COL4A6: variants seen among roughly 807,000 people sequenced by gnomAD.
COL4A6 encodes the protein collagen type IV alpha 6 chain, also known as collagen alpha-6(IV) chain.
COL4A6 carries 59 observed loss-of-function variants against 126.7 expected under a neutral mutation model. That is an observed-to-expected ratio of 0.47 (90% CI 0.38 to 0.58). The LOEUF (loss-of-function observed/expected upper bound fraction) is 0.58. COL4A6 is among the 20% of genes least tolerant of loss of function. COL4A6 has a pLI of 0.00. For synonymous variants in COL4A6, 547 were observed against 496.6 expected, an observed-to-expected ratio of 1.10 and a Z score of -1.35; for missense variants, 1,285 against 1,337.3, an observed-to-expected ratio of 0.96 and a Z score of 0.61.
At chrX:108,435,291 C>G (rs892486348) in intron 2 of COL4A6, among the ~76,000 whole-genome samples, 2 of 111,744 alleles carry the variant, frequency 1.8e-5, no homozygotes, top group African/African-American at 3.3e-5. Flanking sequence ...AAGGATCTGA[C>G]TACTTCGGGA....
intron 13 of COL4A6, among the ~76,000 whole-genome samples, chrX:108,199,475 T>C (rs2035323091): frequency 8.9e-6 from 1 of 111,790 alleles, no homozygotes; most frequent in Admixed American, 9.5e-5. Context: ...TGTGCCAAAG[T>C]GGGCTGAGAA....
chrX:108,288,487 G>A (rs1394582017), intron 3 of COL4A6, among the ~76,000 whole-genome samples: 1 of 111,236 alleles, frequency 9.0e-6, no homozygotes, highest in Non-Finnish European at 1.9e-5. Flanking sequence ...TAGGCACTAG[G>A]CTAAGTTCTA....
intron 2 of COL4A6, among the ~76,000 whole-genome samples, chrX:108,374,331 GTAT>G (rs1447099487): frequency 1.8e-5 from 2 of 111,890 alleles, no homozygotes; most frequent in Non-Finnish European, 3.8e-5. Context: ...GGTAAAAAAA[GTAT>G]TATTATCCCA....
At chrX:108,375,824 C>A (rs2040423131) in intron 2 of COL4A6, among the ~76,000 whole-genome samples, 1 of 110,841 alleles carries the variant, frequency 9.0e-6, no homozygotes, top group African/African-American at 3.3e-5. Context: ...AACACAGTCA[C>A]ACATTTTTTT....
In COL4A6 at chrX:108,273,672, T is replaced by A. The variant is rs111606263; in HGVS notation, c.144+37076A>T. ...AGCCATAAAAAGGGATGAGTTCATG[T>A]CCTTTGTAGGGACATGGATGAAGCT... On this transcript the variant is annotated intron_variant, in intron 3 of 44. Coordinates refer to ENST00000334504, the MANE Select transcript of COL4A6 (RefSeq NM_033641.4). Among the ~76,000 whole-genome samples, 653 of 112,157 alleles carry A rather than the reference T, an allele frequency of 5.8e-3. 4 individuals are homozygous for A. The highest frequency in any genetic ancestry group is 0.02 in the African/African-American group (605 of 30,877).
intron 28 of COL4A6, among the ~76,000 whole-genome samples, chrX:108,176,115 A>G (rs922524758): frequency 9.1e-6 from 1 of 110,202 alleles, no homozygotes; most frequent in African/African-American, 3.3e-5. Context: ...ACCTGTGGTC[A>G]GGAGTTCGAG....
chrX:108,300,724 CGTGTGTGT>C (rs58203884), intron 3 of COL4A6, among the ~76,000 whole-genome samples: 4 of 92,381 alleles, frequency 4.3e-5, no homozygotes, highest in Non-Finnish European at 4.3e-5. Context: ...CAAACATTGG[CGTGTGTGT>C]GTGTGTGTGT....
intron 2 of COL4A6, among the ~76,000 whole-genome samples, chrX:108,362,394 C>G (rs2040107735): frequency 9.0e-6 from 1 of 111,697 alleles, no homozygotes; most frequent in Non-Finnish European, 1.9e-5. Context: ...GATATATAAA[C>G]TGGATCACAG....
chrX:108,310,052 A>G (rs1324125933), intron 3 of COL4A6, among the ~76,000 whole-genome samples: 1 of 111,118 alleles, frequency 9.0e-6, no homozygotes, highest in African/African-American at 3.3e-5. Context: ...CTGGGTTATA[A>G]TAAAAATGCA....
At chrX:108,348,720 T>C (rs2039771875) in intron 2 of COL4A6, among the ~76,000 whole-genome samples, 1 of 111,936 alleles carries the variant, frequency 8.9e-6, no homozygotes, top group Admixed American at 9.5e-5. Flanking sequence ...GGAAAAGTTC[T>C]ATAAATAAGT....
chrX:108,426,047 T>C (rs1452216595), intron 2 of COL4A6, among the ~76,000 whole-genome samples: 1 of 111,347 alleles, frequency 9.0e-6, no homozygotes, highest in Non-Finnish European at 1.9e-5. Context: ...CTAGACGGTA[T>C]TTATGCAACT....
intron 3 of COL4A6, among the ~76,000 whole-genome samples, chrX:108,275,501 G>C (rs2037577713): frequency 8.9e-6 from 1 of 112,320 alleles, no homozygotes; most frequent in African/African-American, 3.2e-5. Context: ...GTTAATTCTT[G>C]ATTCCACCAG....
At chrX:108,345,572 T>TA (rs2039687442) in intron 2 of COL4A6, among the ~76,000 whole-genome samples, 1 of 111,804 alleles carries the variant, frequency 8.9e-6, no homozygotes, top group Non-Finnish European at 1.9e-5. Flanking sequence ...GTGAGCTTTT[T>TA]ATCCCTGCCC....
At chrX:108,282,148 G>C in intron 3 of COL4A6, among the ~76,000 whole-genome samples, 2 of 106,995 alleles carry the variant, frequency 1.9e-5, no homozygotes, top group Middle Eastern at 9.4e-3. Context: ...TGACAAATGG[G>C]ATCTAATTAA....
At chrX:108,318,157 T>A (rs1221073142) in intron 2 of COL4A6, among the ~76,000 whole-genome samples, 1 of 111,586 alleles carries the variant, frequency 9.0e-6, no homozygotes, top group Non-Finnish European at 1.9e-5. Flanking sequence ...GAAAAGGCCT[T>A]TGACAAAATT....
At chrX:108,217,750 A>G (rs1203424631) in intron 5 of COL4A6, among the ~76,000 whole-genome samples, 1 of 111,912 alleles carries the variant, frequency 8.9e-6, no homozygotes, top group East Asian at 2.8e-4. Context: ...GAGAGAAACA[A>G]CAAGAAAGTG....
chrX:108,277,194 C>T (rs2037632491), intron 3 of COL4A6, among the ~76,000 whole-genome samples: 1 of 111,816 alleles, frequency 8.9e-6, no homozygotes, highest in Admixed American at 9.5e-5. Context: ...GGCATTGCCT[C>T]ACTCGGGAAG....
At chrX:108,393,570 A>G (rs181638611) in intron 2 of COL4A6, among the ~76,000 whole-genome samples, 14 of 112,051 alleles carry the variant, frequency 1.2e-4, no homozygotes, top group Admixed American at 1.0e-3. Context: ...GGTGATAGTT[A>G]TAAACACCAA....
At chrX:108,258,482 T>A (rs140018501) in intron 3 of COL4A6, among the ~76,000 whole-genome samples, 2 of 111,782 alleles carry the variant, frequency 1.8e-5, no homozygotes, top group African/African-American at 3.3e-5. Context: ...TTCAAGCACA[T>A]TGAAATTTAG....
Sources: gnomAD v4.1 joint callset for allele counts (sites outside exome capture counted in the v4.1 genomes callset) on GRCh38, gnomAD v4.1.1 for gene constraint, MANE v1.5 for transcripts, NCBI Gene and HGNC (gene_info 2026-07-23, HGNC 2026-07-21) for gene names.